ANK2: variants seen among roughly 807,000 people sequenced by gnomAD.
The protein encoded by ANK2 is ankyrin 2, also known as ankyrin-2.
A neutral mutation model predicts 360.5 loss-of-function variants in ANK2; 83 were observed. The observed-to-expected ratio is 0.23, with a 90% CI of 0.19 to 0.28. The LOEUF is 0.28. Among genes scored for constraint, ANK2 ranks in the 10% least tolerant of loss-of-function variants. The pLI is 1.00. For missense variants in ANK2, 4,201 were observed against 4,795.7 expected, an observed-to-expected ratio of 0.88 and a Z score of 3.66; for synonymous variants, 1,740 against 1,759.5, an observed-to-expected ratio of 0.99 and a Z score of 0.28.
At chr4:112,723,616 G>A in the ANK2 span, among the ~76,000 whole-genome samples, 7 of 152,000 alleles carry the variant, frequency 4.6e-5, no homozygotes, top group Admixed American at 6.6e-5. Context: ...CTCCCTCCTC[G>A]GCCTCCCAAA....
intron 2 of ANK2, among the ~76,000 whole-genome samples, chr4:113,021,181 CT>C (rs11366937): frequency 0.81 from 123,243 of 151,908 alleles, 49,971 homozygotes; most frequent in South Asian, 0.87. Flanking sequence ...GAGGGAAGGG[CT>C]TTTTTTTCTG....
chr4:112,800,139 G>A, the ANK2 span, among the ~76,000 whole-genome samples: 2 of 152,196 alleles, frequency 1.3e-5, no homozygotes, highest in Non-Finnish European at 2.9e-5. Flanking sequence ...AAAATGTGGA[G>A]TCACGACAAA....
chr4:112,777,323 C>T, the ANK2 span, among the ~76,000 whole-genome samples: 2 of 151,916 alleles, frequency 1.3e-5, no homozygotes, highest in African/African-American at 4.8e-5. Flanking sequence ...ACTGCAAGCT[C>T]CGCCTCCTGG....
chr4:113,109,805 C>G (rs1345604362), intron 1 of ANK2, among the ~76,000 whole-genome samples: 2 of 152,050 alleles, frequency 1.3e-5, no homozygotes, highest in African/African-American at 4.8e-5. Flanking sequence ...GTCTGAATAC[C>G]TGGCTCCTAT....
At chr4:112,984,442 A>G (rs916376304) in intron 2 of ANK2, among the ~76,000 whole-genome samples, 3 of 152,202 alleles carry the variant, frequency 2.0e-5, no homozygotes, top group Middle Eastern at 3.2e-3. Flanking sequence ...TTCCTGTTGT[A>G]ATAACCATCA....
intron 1 of ANK2, among the ~76,000 whole-genome samples, chr4:112,828,941 G>A (rs2059061903): frequency 6.6e-6 from 1 of 152,168 alleles, no homozygotes; most frequent in African/African-American, 2.4e-5. Context: ...ATCACTTGAG[G>A]CCAGGAGTTT....
At chr4:113,042,019 A>G (rs1268709483) in intron 2 of ANK2, among the ~76,000 whole-genome samples, 1 of 152,174 alleles carries the variant, frequency 6.6e-6, no homozygotes, top group East Asian at 1.9e-4. Flanking sequence ...AGCTGGTAAA[A>G]CATGATTTCT....
chr4:113,318,479 A>T, intron 25 of ANK2, 38 bp from the exon 26 acceptor site: 1 of 1,526,992 alleles, frequency 6.5e-7, no homozygotes, highest in Non-Finnish European at 9.0e-7. Flanking sequence ...TAATTGAAGC[A>T]AAGTGTGTTT....
intron 2 of ANK2, among the ~76,000 whole-genome samples, chr4:113,018,782 T>G (rs938699416): frequency 1.3e-5 from 2 of 152,240 alleles, no homozygotes; most frequent in African/African-American, 4.8e-5. Flanking sequence ...TTGCAGGTAG[T>G]GTCATTCTTT....
upstream of ANK2, among the ~76,000 whole-genome samples, chr4:113,046,979 C>T (rs1015141695): frequency 6.6e-6 from 1 of 152,178 alleles, no homozygotes; most frequent in Non-Finnish European, 1.5e-5. Context: ...ACTAATTGGG[C>T]TACCAAACAC....
chr4:112,803,358 G>A, the ANK2 span, among the ~76,000 whole-genome samples: 23 of 152,128 alleles, frequency 1.5e-4, no homozygotes, highest in Non-Finnish European at 7.4e-5. Flanking sequence ...CTTTATAAGC[G>A]ATAGGCAAGT....
At chr4:113,169,219 A>C (rs1451689356) in intron 1 of ANK2, among the ~76,000 whole-genome samples, 2 of 152,200 alleles carry the variant, frequency 1.3e-5, no homozygotes, top group Non-Finnish European at 2.9e-5. Context: ...TCTATAAAGT[A>C]CATTTATTTT....
intron 2 of ANK2, among the ~76,000 whole-genome samples, chr4:112,967,763 T>C (rs2037888270): frequency 6.6e-6 from 1 of 152,206 alleles, no homozygotes; most frequent in South Asian, 2.1e-4. Flanking sequence ...CTCAGACAGA[T>C]CTTGAATGCA....
intron 1 of ANK2, among the ~76,000 whole-genome samples, chr4:113,118,044 AT>A (rs2095002717): frequency 6.6e-6 from 1 of 152,154 alleles, no homozygotes; most frequent in South Asian, 2.1e-4. Flanking sequence ...TTTTCTGAAT[AT>A]GGCAATGAAA....
At chr4:113,306,294 G>A (rs2077209115) in intron 23 of ANK2, among the ~76,000 whole-genome samples, 1 of 152,160 alleles carries the variant, frequency 6.6e-6, no homozygotes, top group African/African-American at 2.4e-5. Flanking sequence ...ATTAATAACA[G>A]GGCACATAGA....
chr4:113,356,288 T>G lies in ANK2; in HGVS notation c.7670T>G (p.Val2557Gly), dbSNP rs2095766862. 1 of 1,613,984 alleles carries G rather than the reference T, an allele frequency of 6.2e-7. No individual in the cohort carries two copies. The highest frequency in any genetic ancestry group is 1.3e-5 in the African/African-American group (1 of 74,918). ...SYEVTPKTTD[V>G]STPKPAVIHE... is the part of the protein sequence containing the mutation. Reference sequence around the variant, plus strand: ...GAGGTTACACCCAAAACCACAGATGTAAGTACACCAAAACCAGCTGTGATT... The same window carrying G: ...GAGGTTACACCCAAAACCACAGATGGAAGTACACCAAAACCAGCTGTGATT... Residue 2557 changes from valine to glycine, a missense_variant, in exon 38 of 46, where the codon GTA (valine) becomes GGA (glycine). Val to Gly is a moderately radical substitution (Grantham distance 109, BLOSUM62 -3). Coordinates refer to ENST00000357077, the MANE Select transcript of ANK2 (RefSeq NM_001148.6).
intron 15 of ANK2, among the ~76,000 whole-genome samples, chr4:113,276,808 T>G (rs1214909951): frequency 6.6e-6 from 1 of 152,158 alleles, no homozygotes; most frequent in East Asian, 1.9e-4. Context: ...TTGGGGGATA[T>G]TCTGTGTTTA....
the ANK2 span, among the ~76,000 whole-genome samples, chr4:112,789,292 C>G: frequency 6.6e-6 from 1 of 152,012 alleles, no homozygotes; most frequent in Non-Finnish European, 1.5e-5. Flanking sequence ...TGTTAGAAGA[C>G]TGGAAATAAA....
At position 112,982,980 on chromosome 4, in the gene ANK2, A is replaced by G. The variant is rs2043588004; in HGVS notation, c.21+78466A>G. On this transcript the variant is annotated intron_variant, in intron 2 of 30. Coordinates refer to the ANK2 transcript ENST00000503271. ...TATACTCTGTTTGAAGAATGCAACA[A>G]TATACACCATGGCAACCAGTGCATC... 3.3e-5 allele frequency among the ~76,000 whole-genome samples: 5 copies of G among 152,322 alleles called. 1 individual carries two copies. In the Middle Eastern group the frequency reaches 0.017, roughly 518 times the overall value.
Sources: gnomAD v4.1 joint callset for allele counts (sites outside exome capture counted in the v4.1 genomes callset) on GRCh38, gnomAD v4.1.1 for gene constraint, MANE v1.5 for transcripts, NCBI Gene and HGNC (gene_info 2026-07-23, HGNC 2026-07-21) for gene names.